PDE10A: variants seen among roughly 807,000 people sequenced by gnomAD.
The protein encoded by PDE10A is phosphodiesterase 10A.
A neutral mutation model predicts 97.7 loss-of-function variants in PDE10A; 39 were observed. That is an observed-to-expected ratio of 0.40 (90% CI 0.31 to 0.52). The LOEUF (loss-of-function observed/expected upper bound fraction) is 0.52. PDE10A is among the 20% of genes least tolerant of loss of function. The pLI is 0.56. For synonymous variants in PDE10A, 371 were observed against 376.8 expected, an observed-to-expected ratio of 0.98 and a Z score of 0.18; for missense variants, 731 against 1,047.8, an observed-to-expected ratio of 0.70 and a Z score of 4.17.
intron 1 of PDE10A, among the ~76,000 whole-genome samples, chr6:165,958,704 GA>G (rs775123354): frequency 7.1e-6 from 1 of 140,444 alleles, no homozygotes; most frequent in African/African-American, 2.8e-5. Flanking sequence ...GAGAAAGAAA[GA>G]AAGAAAGAGA....
chr6:165,677,769 T>G lies in PDE10A; in HGVS notation c.-614-134201A>C, dbSNP rs537080257. ...ATTTGTGTTCATATGCGTAATGTGT[T>G]TGTGTGTGTGTGTAAATGCGGGTAT... On this transcript the variant is annotated intron_variant, in intron 1 of 19. Coordinates refer to the PDE10A transcript ENST00000366882. Among the ~76,000 whole-genome samples, 18 of 152,026 alleles carry G rather than the reference T, an allele frequency of 1.2e-4. 1 individual carries two copies. In the South Asian group the frequency reaches 3.7e-3, roughly 32 times the overall value.
At chr6:165,653,729 A>G (rs140462372) in intron 1 of PDE10A, among the ~76,000 whole-genome samples, 166 of 152,276 alleles carry the variant, frequency 1.1e-3, no homozygotes, top group African/African-American at 3.8e-3. Flanking sequence ...ATAGAAACCA[A>G]TGAGCAGGAA....
chr6:165,870,160 A>T (rs944208192), intron 1 of PDE10A, among the ~76,000 whole-genome samples: 2 of 152,170 alleles, frequency 1.3e-5, no homozygotes, highest in African/African-American at 4.8e-5. Flanking sequence ...GAAGAGAGAC[A>T]ATCTTTGGAA....
intron 1 of PDE10A, among the ~76,000 whole-genome samples, chr6:165,782,737 G>A (rs138696010): frequency 1.4e-3 from 210 of 152,240 alleles, no homozygotes; most frequent in African/African-American, 4.6e-3. Context: ...ACGTCTTATC[G>A]TGTACCCAGG....
chr6:165,523,227 T>C (rs1220290707), intron 2 of PDE10A, among the ~76,000 whole-genome samples: 2 of 152,128 alleles, frequency 1.3e-5, no homozygotes, highest in African/African-American at 4.8e-5. Context: ...GCCATTCCCA[T>C]CAAACTATCA....
At chr6:165,690,341 G>A (rs535798185) in intron 1 of PDE10A, among the ~76,000 whole-genome samples, 11 of 152,316 alleles carry the variant, frequency 7.2e-5, no homozygotes, top group African/African-American at 2.6e-4. Flanking sequence ...TCAGCTTTGG[G>A]CTGCTCATCA....
chr6:165,779,412 T>C (rs905860711), intron 1 of PDE10A, among the ~76,000 whole-genome samples: 7 of 152,226 alleles, frequency 4.6e-5, no homozygotes, highest in African/African-American at 1.7e-4. Flanking sequence ...AAAGGGGATT[T>C]CCCTGCATCC....
chr6:165,461,219 G>A (rs530058335), intron 3 of PDE10A, among the ~76,000 whole-genome samples: 2 of 152,312 alleles, frequency 1.3e-5, no homozygotes, highest in Admixed American at 6.5e-5. Context: ...AGCCAGGACT[G>A]CCTTCTCCTG....
intron 1 of PDE10A, among the ~76,000 whole-genome samples, chr6:165,933,997 T>C (rs2128491267): frequency 6.6e-6 from 1 of 151,914 alleles, no homozygotes; most frequent in Non-Finnish European, 1.5e-5. Flanking sequence ...CCTTTTTTTT[T>C]TTTTTTAGTC....
At chr6:165,359,750 TAGTA>T (rs760258387) in intron 18 of PDE10A, among the ~76,000 whole-genome samples, 74 of 152,316 alleles carry the variant, frequency 4.9e-4, no homozygotes, top group Admixed American at 2.7e-3. Flanking sequence ...AAGGGCCAGA[TAGTA>T]AATACTTCAA....
At chr6:165,688,018 C>G (rs1270406138) in intron 1 of PDE10A, among the ~76,000 whole-genome samples, 1 of 152,156 alleles carries the variant, frequency 6.6e-6, no homozygotes, top group Admixed American at 6.5e-5. Context: ...AACTCCTACC[C>G]GAGGCCAGCA....
intron 13 of PDE10A, among the ~76,000 whole-genome samples, chr6:165,403,694 C>CTA (rs1404696171): frequency 3.3e-5 from 5 of 152,154 alleles, no homozygotes; most frequent in Non-Finnish European, 4.4e-5. Context: ...ATTCTCTAAG[C>CTA]AAGTCCTAAA....
At chr6:165,401,881 C>A (rs917858363) in intron 13 of PDE10A, among the ~76,000 whole-genome samples, 10 of 152,150 alleles carry the variant, frequency 6.6e-5, no homozygotes, top group Admixed American at 5.2e-4. Context: ...TCCTCATATA[C>A]CTTAATGGAA....
At chr6:165,552,078 C>G (rs539263642) in intron 1 of PDE10A, among the ~76,000 whole-genome samples, 2 of 152,250 alleles carry the variant, frequency 1.3e-5, no homozygotes, top group East Asian at 3.9e-4. Flanking sequence ...TTCACTGGAG[C>G]TACCTTCACT....
At chr6:165,834,467 G>T (rs559926253) in intron 1 of PDE10A, among the ~76,000 whole-genome samples, 3 of 152,314 alleles carry the variant, frequency 2.0e-5, no homozygotes, top group South Asian at 2.1e-4. Flanking sequence ...GCCTGGGAGT[G>T]GGGGGAGTGA....
At position 165,763,830 on chromosome 6, in the gene PDE10A, T is replaced by C. The variant is rs549385545; in HGVS notation, c.-614-220262A>G. 9.2e-5 allele frequency among the ~76,000 whole-genome samples: 14 copies of C among 152,372 alleles called. No individual in the cohort carries two copies. The East Asian group carries it at 2.5e-3, about 27-fold the overall frequency. On this transcript the variant is annotated intron_variant, in intron 1 of 19. Transcript: ENST00000366882. ...AGCAACCAGCATAGGAAGCTTTTTGTACAGAGTAATTGCTACCTCGTATTG... is the reference window on the plus strand; with the variant it reads ...AGCAACCAGCATAGGAAGCTTTTTGCACAGAGTAATTGCTACCTCGTATTG...
intron 1 of PDE10A, among the ~76,000 whole-genome samples, chr6:165,579,679 T>C (rs1785504126): frequency 6.6e-6 from 1 of 152,132 alleles, no homozygotes; most frequent in Admixed American, 6.5e-5. Flanking sequence ...TGTCAAAACA[T>C]AAACTAGATC....
At chr6:165,899,983 C>T (rs527690006) in intron 1 of PDE10A, among the ~76,000 whole-genome samples, 10 of 152,338 alleles carry the variant, frequency 6.6e-5, no homozygotes, top group African/African-American at 2.4e-4. Flanking sequence ...TTGGCCAGGG[C>T]TATCTGATGG....
rs147918920 is a variant in PDE10A, at chr6:165,361,026, C to T, written c.2784-17524G>A. On this transcript the variant is annotated intron_variant, in intron 18 of 21. Transcript: ENST00000539869. ...TCTTGCCACTTAAATTCAGCACAAG[C>T]CAGACATTTATCAAATAGAAAGAAA... Among the ~76,000 whole-genome samples the T allele has an allele frequency of 6.0e-3, 920 of 152,174 alleles. 5 individuals are homozygous for T. The highest frequency in any genetic ancestry group is 0.025 in the South Asian group (122 of 4,816).
Sources: allele counts gnomAD v4.1 joint callset (sites outside exome capture counted in the v4.1 genomes callset), GRCh38; gene constraint gnomAD v4.1.1; transcripts MANE v1.5; gene names NCBI Gene and HGNC (gene_info 2026-07-23, HGNC 2026-07-21).